The following ATM variants were observed in gnomAD, a reference collection of about 807,000 sequenced individuals.
The protein encoded by ATM is ATM serine/threonine kinase.
ATM carries 308 observed loss-of-function variants against 387.0 expected under a neutral mutation model. The ratio of observed to expected loss-of-function variants is 0.80; its 90% CI spans 0.73 to 0.87. The LOEUF is 0.87. Ranked by LOEUF, ATM falls within the 40% of genes least tolerant of loss-of-function variation. The pLI, the probability that ATM is intolerant of heterozygous loss-of-function variation, is 0.00. For synonymous variants in ATM, 1,156 were observed against 1,187.3 expected (o/e 0.97, Z 0.54); for missense variants, 3,312 against 3,560.9 (o/e 0.93, Z 1.78).
intron 58 of ATM, chr11:108,346,499 GTT>G (rs879675361): frequency 1.3e-4 from 18 of 135,088 alleles, no homozygotes; most frequent in Non-Finnish European, 1.1e-4. Flanking sequence ...TCTATTTGTT[GTT>G]TTTTTTTTTT....
At chr11:108,261,818 G>C (rs1216201649) in intron 16 of ATM, among the ~76,000 whole-genome samples, 1 of 152,158 alleles carries the variant, frequency 6.6e-6, no homozygotes, top group Non-Finnish European at 1.5e-5. Flanking sequence ...ACCAACGCTA[G>C]AGAACTACGT....
At chr11:108,360,718 C>T (rs2090626058) in intron 61 of ATM, among the ~76,000 whole-genome samples, 2 of 141,584 alleles carry the variant, frequency 1.4e-5, no homozygotes, top group Admixed American at 1.4e-4. Flanking sequence ...TCAATAGATG[C>T]AGAAAAAGCC....
intron 17 of ATM, 29 bp downstream of exon 17, chr11:108,267,371 CT>C: frequency 6.2e-7 from 1 of 1,604,360 alleles, no homozygotes. Flanking sequence ...CTTGGGATTT[CT>C]TTTACTTCTT....
intron 8 of ATM, among the ~76,000 whole-genome samples, 192 bp downstream of exon 8, chr11:108,247,319 G>A (rs1376001584): frequency 3.9e-5 from 6 of 152,184 alleles, no homozygotes; most frequent in Non-Finnish European, 8.8e-5. Flanking sequence ...TGCTTTTGCA[G>A]ATATTTGAAA....
Position 108,330,540 on chromosome 11 carries a change from A to T in ATM, c.7515+119A>T. 4.1e-6 allele frequency: 4 copies of T among 982,886 alleles called. No individual in the cohort carries two copies. The Admixed American group carries it at 7.0e-5, about 17-fold the overall frequency. The allele number at this position is 982,886 out of a possible 1,614,324, so 60.9% of individuals were successfully genotyped here. ...CCTAGCACTTGGTCCAGTGCTCTAC[A>T]CATAAGTAGCATTTTGTAGTTTTCT... On this transcript the variant is annotated intron_variant, in intron 50 of 62. Coordinates refer to ENST00000675843, the MANE Select transcript of ATM (RefSeq NM_000051.4).
chr11:108,301,611 T>G, intron 34 of ATM, 37 bp from the exon 35 acceptor site: 1 of 1,612,588 alleles, frequency 6.2e-7, no homozygotes, highest in Non-Finnish European at 8.5e-7. Context: ...GATTAATAAC[T>G]GGTGTACTTG....
intron 48 of ATM, among the ~76,000 whole-genome samples, 175 bp from the exon 49 acceptor site, chr11:108,328,846 G>A (rs753554239): frequency 6.6e-6 from 1 of 152,204 alleles, no homozygotes; most frequent in Non-Finnish European, 1.5e-5. Context: ...AAGCCGTCCT[G>A]GGCCACATGC....
At position 108,257,319 on chromosome 11, in the gene ATM, T is replaced by C. The variant is rs11212568; in HGVS notation, c.2251-162T>C. 4.5e-4 allele frequency among the ~76,000 whole-genome samples: 69 copies of C among 152,372 alleles called. 1 individual carries two copies. The East Asian group carries it at 0.01, about 22-fold the overall frequency. ...AAAAATTGTTAATGAGTTTTGCTTA[T>C]ACTGTATGACTACGTGGAACTTCTA... is the stretch of plus-strand genomic sequence containing the variant. On this transcript the variant is annotated intron_variant, in intron 14 of 62. Transcript: ENST00000675843.
chr11:108,278,557 AAAGAG>A (rs1305404552), intron 22 of ATM, among the ~76,000 whole-genome samples: 1 of 152,184 alleles, frequency 6.6e-6, no homozygotes, highest in African/African-American at 2.4e-5. Context: ...TTTACAAAGA[AAAGAG>A]GTTTATTTGG....
chr11:108,229,074 A>C, intron 3 of ATM, 104 bp from the exon 4 acceptor site: 1 of 1,145,342 alleles, frequency 8.7e-7, no homozygotes, highest in Non-Finnish European at 1.3e-6. Context: ...AATCTAAGCA[A>C]GGTGGTTTAA....
At chr11:108,307,795 C>A (rs759028932) in intron 37 of ATM, 102 bp from the exon 38 acceptor site, 32 of 1,077,114 alleles carry the variant, frequency 3.0e-5, no homozygotes, top group Non-Finnish European at 4.2e-5. Context: ...TACTGCCCAC[C>A]AGAACCTTAT....
intron 61 of ATM, among the ~76,000 whole-genome samples, chr11:108,361,351 T>C (rs974749494): frequency 3.3e-5 from 5 of 149,990 alleles, no homozygotes; most frequent in Admixed American, 1.3e-4. Context: ...AGAATCAATA[T>C]TGTGAAAATG....
At chr11:108,229,495 G>A (rs1405187401) in intron 4 of ATM, 172 bp downstream of exon 4, 6 of 647,616 alleles carry the variant, frequency 9.3e-6, no homozygotes, top group South Asian at 4.8e-5. Context: ...TTATTAAAAG[G>A]TTTTTTTTTA....
chr11:108,293,894 A>AAAATATATATATATATATATAT (rs1491178678), intron 31 of ATM, among the ~76,000 whole-genome samples: 2 of 83,708 alleles, frequency 2.4e-5, no homozygotes, highest in Admixed American at 1.6e-4. Flanking sequence ...AAAAAAAAAA[A>AAAATATATATATATATATATAT]ATATATATAT....
intron 18 of ATM, among the ~76,000 whole-genome samples, chr11:108,270,594 T>C (rs2081519358): frequency 6.6e-6 from 1 of 152,168 alleles, no homozygotes; most frequent in African/African-American, 2.4e-5. Context: ...GAATTTTCTG[T>C]TTGACTTCAA....
rs56163571 is a variant in ATM at position 108,289,175 on chromosome 11, C to T, written c.4236+72C>T. The stretch of plus-strand genomic sequence containing the variant: ...AGCTAAAAAAACTTTGTAAATACAT[C>T]TTAAAGAGGAAAAGTAAACAAATGA... On this transcript the variant is annotated intron_variant, in intron 28 of 62. Coordinates refer to ENST00000675843, the MANE Select transcript of ATM (RefSeq NM_000051.4). 61 of 1,427,208 alleles carry T rather than the reference C, an allele frequency of 4.3e-5. No homozygotes were observed. In the African/African-American group the frequency reaches 7.5e-4, roughly 18 times the overall value. The allele number at this position is 1,427,208 out of a possible 1,614,324, so 88.4% of individuals were successfully genotyped here. A position where few individuals can be genotyped will look rare whatever the true frequency, so the allele number is the denominator to read the frequency against.
chr11:108,236,771 T>G (rs1856857156), intron 5 of ATM, among the ~76,000 whole-genome samples: 1 of 152,122 alleles, frequency 6.6e-6, no homozygotes, highest in Non-Finnish European at 1.5e-5. Context: ...AATCTGGTGT[T>G]GTTTCCTGTT....
intron 32 of ATM, chr11:108,296,908 G>A (rs2083154208): frequency 3.5e-6 from 1 of 281,798 alleles, no homozygotes; most frequent in Non-Finnish European, 6.9e-6. Context: ...AGAAAGTTCT[G>A]TGGGACAGTG....
Position 108,317,359 on chromosome 11 carries a change from T to C in ATM, c.6199-14T>C, listed in dbSNP as rs1565502529. On this transcript the variant is annotated splice_polypyrimidine_tract_variant and intron_variant, in intron 42 of 62. Transcript: ENST00000675843. The stretch of plus-strand genomic sequence containing the variant: ...TTGATTACTTAACTTAAAAACAAAA[T>C]AACTCCTGTTTAGGCCTTGCAGAAT... 1 of 1,608,500 alleles carries C rather than the reference T, an allele frequency of 6.2e-7. No homozygotes were observed. Among genetic ancestry groups the C allele is most frequent in the African/African-American group, 1.3e-5 (1 of 74,740 alleles).
Sources: gnomAD v4.1 joint callset for allele counts (sites outside exome capture counted in the v4.1 genomes callset) on GRCh38, gnomAD v4.1.1 for gene constraint, MANE v1.5 for transcripts, NCBI Gene and HGNC (gene_info 2026-07-23, HGNC 2026-07-21) for gene names.